Variants in ROBO2 observed in about 807,000 individuals in gnomAD.
The protein encoded by ROBO2 is roundabout homolog 2.
A neutral mutation model predicts 160.8 loss-of-function variants in ROBO2; 53 were observed. The ratio of observed to expected loss-of-function variants is 0.33; its 90% CI spans 0.26 to 0.41. ROBO2 has a LOEUF of 0.41. Ranked by LOEUF, ROBO2 falls within the 10% of genes least tolerant of loss-of-function variation. ROBO2 has a pLI of 1.00. For synonymous variants in ROBO2, 664 were observed against 611.7 expected (o/e 1.09, Z -1.26); for missense variants, 1,577 against 1,722.4 (o/e 0.92, Z 1.49).
At chr3:76,124,457 G>A (rs1465262298) in intron 2 of ROBO2, among the ~76,000 whole-genome samples, 1 of 152,022 alleles carries the variant, frequency 6.6e-6, no homozygotes, top group African/African-American at 2.4e-5. Context: ...CAAGCTCAAA[G>A]CTTATCTCAC....
chr3:76,209,952 T>C (rs879403752), intron 2 of ROBO2, among the ~76,000 whole-genome samples: 1 of 152,080 alleles, frequency 6.6e-6, no homozygotes, highest in Non-Finnish European at 1.5e-5. Flanking sequence ...GATTAAATGA[T>C]GGAATATTAT....
chr3:77,209,583 G>A (rs2083857542), intron 2 of ROBO2, among the ~76,000 whole-genome samples: 1 of 152,080 alleles, frequency 6.6e-6, no homozygotes, highest in African/African-American at 2.4e-5. Flanking sequence ...ATTATAACGT[G>A]GGTATGCCAT....
chr3:76,052,251 T>C (rs9880437), intron 2 of ROBO2, among the ~76,000 whole-genome samples: 16,651 of 151,974 alleles, frequency 0.11, 1,088 homozygotes, highest in Non-Finnish European at 0.14. Context: ...TAAGAGACAA[T>C]GGAGTAATGT....
At chr3:77,072,545 A>G (rs1026941747) in intron 1 of ROBO2, among the ~76,000 whole-genome samples, 10 of 152,126 alleles carry the variant, frequency 6.6e-5, no homozygotes, top group African/African-American at 2.4e-4. Context: ...TACCATGGCT[A>G]ATTCCATTTG....
intron 2 of ROBO2, among the ~76,000 whole-genome samples, chr3:76,600,117 C>A (rs896779423): frequency 1.3e-5 from 2 of 152,094 alleles, no homozygotes; most frequent in African/African-American, 4.8e-5. Flanking sequence ...AAATATTTGC[C>A]CATTCCTATG....
chr3:76,039,176 G>C (rs17013690), intron 2 of ROBO2, among the ~76,000 whole-genome samples: 1 of 151,860 alleles, frequency 6.6e-6, no homozygotes. Context: ...AGAAGGATGC[G>C]GTACAGTTTC....
At chr3:76,927,063 G>C (rs2077035115) in intron 2 of ROBO2, among the ~76,000 whole-genome samples, 1 of 152,138 alleles carries the variant, frequency 6.6e-6, no homozygotes, top group South Asian at 2.1e-4. Context: ...TATTGAGAAT[G>C]TGGCAGTATT....
chr3:76,185,217 C>CACAA (rs1701703367), intron 2 of ROBO2, among the ~76,000 whole-genome samples: 1 of 32,056 alleles, frequency 3.1e-5, no homozygotes, highest in Non-Finnish European at 8.5e-5. Flanking sequence ...TATATATATA[C>CACAA]ACACACAAAG....
intron 2 of ROBO2, among the ~76,000 whole-genome samples, chr3:76,155,652 G>A (rs1469278936): frequency 6.6e-6 from 1 of 152,134 alleles, no homozygotes; most frequent in Non-Finnish European, 1.5e-5. Context: ...GTTCTTTCTT[G>A]ACATGAGCTG....
intron 2 of ROBO2, among the ~76,000 whole-genome samples, chr3:76,827,083 C>T (rs372011257): frequency 9.9e-5 from 15 of 152,042 alleles, no homozygotes; most frequent in Non-Finnish European, 2.1e-4. Context: ...CTTTTGTTTG[C>T]GAGGTAGAGT....
intron 2 of ROBO2, among the ~76,000 whole-genome samples, chr3:76,175,623 T>C (rs1559614033): frequency 6.6e-6 from 1 of 152,130 alleles, no homozygotes; most frequent in South Asian, 2.1e-4. Context: ...CAGAAAGCTA[T>C]ACTCCCTATC....
chr3:76,641,151 G>C (rs1297096697), intron 2 of ROBO2, among the ~76,000 whole-genome samples: 4 of 152,154 alleles, frequency 2.6e-5, no homozygotes, highest in Non-Finnish European at 4.4e-5. Context: ...GTAGCCCACA[G>C]TCTGAAGAGA....
chr3:77,120,846 A>C (rs2074683242), intron 2 of ROBO2, among the ~76,000 whole-genome samples: 1 of 152,214 alleles, frequency 6.6e-6, no homozygotes, highest in African/African-American at 2.4e-5. Flanking sequence ...ACATGTAGCC[A>C]GCTTTGTTTA....
chr3:77,623,880 T>C (rs867592827), intron 23 of ROBO2, among the ~76,000 whole-genome samples: 1 of 152,200 alleles, frequency 6.6e-6, no homozygotes, highest in Non-Finnish European at 1.5e-5. Flanking sequence ...GTAGTTCTTT[T>C]ATTAAATATT....
At position 76,569,073 on chromosome 3, in the gene ROBO2, T is replaced by A. The variant is rs1179549107; in HGVS notation, c.110-528941T>A. Reference sequence around the variant, plus strand: ...ATCTCTGTATGTATTATGGGCCTTTTGAAGATGGGTTATTGCATGGATCTT... The same window carrying A: ...ATCTCTGTATGTATTATGGGCCTTTAGAAGATGGGTTATTGCATGGATCTT... On this transcript the variant is annotated intron_variant, in intron 2 of 26. Transcript: ENST00000487694. Among the ~76,000 whole-genome samples, 4 of 152,316 alleles carry A rather than the reference T, an allele frequency of 2.6e-5. No individual in the cohort carries two copies. The East Asian group carries it at 7.7e-4, about 29-fold the overall frequency.
At chr3:76,629,533 C>T (rs548658828) in intron 2 of ROBO2, among the ~76,000 whole-genome samples, 2 of 152,244 alleles carry the variant, frequency 1.3e-5, no homozygotes, top group African/African-American at 4.8e-5. Flanking sequence ...CTAAACCCGT[C>T]TAGTCTTTCC....
At chr3:77,643,773 C>T (rs2095381148) in intron 24 of ROBO2, among the ~76,000 whole-genome samples, 3 of 152,162 alleles carry the variant, frequency 2.0e-5, no homozygotes, top group Non-Finnish European at 4.4e-5. Flanking sequence ...CATTTTGTCA[C>T]AACTTGGTGC....
At chr3:75,997,010 T>C (rs1328781132) in intron 2 of ROBO2, among the ~76,000 whole-genome samples, 1 of 152,216 alleles carries the variant, frequency 6.6e-6, no homozygotes, top group Non-Finnish European at 1.5e-5. Context: ...AAAAATTATA[T>C]AAGTAAGACT....
intron 5 of ROBO2, among the ~76,000 whole-genome samples, chr3:77,508,770 A>G (rs897711193): frequency 6.6e-6 from 1 of 152,080 alleles, no homozygotes; most frequent in Non-Finnish European, 1.5e-5. Flanking sequence ...AATTTTTATC[A>G]TATGCTTTTT....
Sources: allele counts gnomAD v4.1 joint callset (sites outside exome capture counted in the v4.1 genomes callset), GRCh38; gene constraint gnomAD v4.1.1; transcripts MANE v1.5; gene names NCBI Gene and HGNC (gene_info 2026-07-23, HGNC 2026-07-21).